ZFHX3: variants seen among roughly 807,000 people sequenced by gnomAD.
The protein encoded by ZFHX3 is zinc finger homeobox 3.
Under a neutral mutation model 279.1 loss-of-function variants are expected in ZFHX3, and 42 were observed. That is an observed-to-expected ratio of 0.15 (90% CI 0.12 to 0.19). The LOEUF (loss-of-function observed/expected upper bound fraction) is 0.19, where lower values mean the gene tolerates loss of function less well. ZFHX3 is among the 10% of genes least tolerant of loss of function. The pLI is 1.00. For missense variants in ZFHX3, 4,981 were observed against 4,754.0 expected, an observed-to-expected ratio of 1.05 and a Z score of -1.40; for synonymous variants, 2,293 against 1,957.8, an observed-to-expected ratio of 1.17 and a Z score of -4.52.
intron 2 of ZFHX3, among the ~76,000 whole-genome samples, chr16:73,655,417 A>C (rs1003938475): frequency 6.6e-6 from 1 of 152,220 alleles, no homozygotes; most frequent in Non-Finnish European, 1.5e-5. Context: ...TTAGAATAGG[A>C]GACTCTACCA....
rs1293606224 is a variant in ZFHX3 at position 73,055,719 on chromosome 16, C to T, written c.-24+2811G>A. Among the ~76,000 whole-genome samples the T allele has an allele frequency of 4.4e-3, 634 of 143,448 alleles. 5 individuals are homozygous for T. Among genetic ancestry groups the T allele is most frequent in the African/African-American group, 0.013 (544 of 40,534 alleles). 94.1% of individuals were successfully genotyped at this position (143,448 alleles called of 152,430 possible). ...GCGCGCACACACACACACACACACACACATACACACACACACACGTCAGGA... is the reference window on the plus strand; with the variant it reads ...GCGCGCACACACACACACACACACATACATACACACACACACACGTCAGGA... On this transcript the variant is annotated intron_variant, in intron 1 of 8. Transcript: ENST00000397992.
intron 3 of ZFHX3, among the ~76,000 whole-genome samples, chr16:73,436,329 A>G (rs2017997397): frequency 6.6e-6 from 1 of 152,194 alleles, no homozygotes; most frequent in Non-Finnish European, 1.5e-5. Flanking sequence ...CTCAACAAAA[A>G]AGAGGTTTAA....
chr16:72,975,778 A>G (rs897946504), intron 1 of ZFHX3, among the ~76,000 whole-genome samples: 8 of 152,132 alleles, frequency 5.3e-5, no homozygotes, highest in Non-Finnish European at 1.0e-4. Context: ...ACCCTCACCA[A>G]CTCAGCAAAA....
At chr16:73,032,038 T>C (rs907818448) in intron 1 of ZFHX3, among the ~76,000 whole-genome samples, 3 of 152,068 alleles carry the variant, frequency 2.0e-5, no homozygotes, top group African/African-American at 7.2e-5. Context: ...AATAAGAAGA[T>C]GTGTTAAAAC....
intron 1 of ZFHX3, among the ~76,000 whole-genome samples, chr16:73,878,942 T>G (rs1003287796): frequency 1.0e-3 from 61 of 58,204 alleles, no homozygotes; most frequent in East Asian, 4.8e-3. Context: ...AAAGATAAGA[T>G]ATATATATAT....
At chr16:73,839,326 C>CAAAAAAGAA (rs1961233006) in intron 1 of ZFHX3, among the ~76,000 whole-genome samples, 5 of 30,052 alleles carry the variant, frequency 1.7e-4, no homozygotes, top group African/African-American at 6.1e-4. Flanking sequence ...GACTCCATCT[C>CAAAAAAGAA]AAAAAAAAAA....
Position 73,003,685 on chromosome 16 carries a change from G to A in ZFHX3, c.-49-43491C>T, listed in dbSNP as rs186233724. On this transcript the variant is annotated intron_variant, in intron 1 of 9. Transcript: ENST00000268489. ...TGCACTACTGCACTCCAGCCTGGAC[G>A]AAACAGCGAGACTCCATCTCAAAAA... 5.7e-3 allele frequency among the ~76,000 whole-genome samples: 874 copies of A among 152,220 alleles called. 4 individuals are homozygous for A. The highest frequency in any genetic ancestry group is 9.0e-3 in the Non-Finnish European group (615 of 68,022).
chr16:73,879,099 TAAC>T (rs1432078737), intron 1 of ZFHX3, among the ~76,000 whole-genome samples: 1 of 151,790 alleles, frequency 6.6e-6, no homozygotes, highest in African/African-American at 2.4e-5. Context: ...AGGACCAAGT[TAAC>T]AACACCCAGA....
At chr16:72,861,137 A>G (rs1316677716) in intron 4 of ZFHX3, among the ~76,000 whole-genome samples, 1 of 152,178 alleles carries the variant, frequency 6.6e-6, no homozygotes, top group African/African-American at 2.4e-5. Context: ...CTGTGTTGAC[A>G]TCACCCTTCT....
chr16:72,895,836 A>G (rs1274653426), intron 3 of ZFHX3, among the ~76,000 whole-genome samples: 1 of 152,166 alleles, frequency 6.6e-6, no homozygotes, highest in Non-Finnish European at 1.5e-5. Flanking sequence ...TAAATAGATT[A>G]GACAGACTAC....
intron 1 of ZFHX3, among the ~76,000 whole-genome samples, chr16:73,851,579 C>T (rs1049916416): frequency 2.0e-5 from 3 of 152,098 alleles, no homozygotes; most frequent in Non-Finnish European, 2.9e-5. Flanking sequence ...AAAATTGCAA[C>T]GTGGTATTTG....
intron 1 of ZFHX3, among the ~76,000 whole-genome samples, chr16:73,853,530 A>C (rs1961642230): frequency 6.6e-6 from 1 of 152,240 alleles, no homozygotes; most frequent in Admixed American, 6.5e-5. Flanking sequence ...CCTTTGCAGC[A>C]ACATGGATGG....
chr16:73,162,507 T>C (rs1429493530), intron 5 of ZFHX3, among the ~76,000 whole-genome samples: 2 of 152,222 alleles, frequency 1.3e-5, no homozygotes, highest in Non-Finnish European at 2.9e-5. Context: ...ACAATAAATG[T>C]AATGTAATGC....
At chr16:72,901,215 C>T (rs1040751204) in intron 3 of ZFHX3, among the ~76,000 whole-genome samples, 4 of 152,144 alleles carry the variant, frequency 2.6e-5, no homozygotes, top group African/African-American at 4.8e-5. Context: ...CTCTGCAGCC[C>T]GCTGAGTGCA....
upstream of ZFHX3, among the ~76,000 whole-genome samples, chr16:73,050,227 A>G (rs975518522): frequency 1.3e-5 from 2 of 152,258 alleles, no homozygotes; most frequent in African/African-American, 2.4e-5. Flanking sequence ...AAGCTATTAA[A>G]GTAACCTGGG....
intron 4 of ZFHX3, among the ~76,000 whole-genome samples, chr16:73,316,622 G>T (rs749462122): frequency 6.6e-6 from 1 of 152,052 alleles, no homozygotes; most frequent in Admixed American, 6.5e-5. Context: ...AAAGGATCTC[G>T]TCTTATACTT....
intron 3 of ZFHX3, among the ~76,000 whole-genome samples, chr16:73,410,484 G>A (rs1593089): frequency 0.039 from 5,947 of 152,222 alleles, 322 homozygotes; most frequent in South Asian, 0.13. Flanking sequence ...TACAAAGAAA[G>A]GCTAAATGCA....
chr16:73,399,823 GGA>G (rs2017210567), intron 3 of ZFHX3, among the ~76,000 whole-genome samples: 4 of 129,508 alleles, frequency 3.1e-5, no homozygotes, highest in East Asian at 2.2e-4. Context: ...TGTGGTGTGT[GGA>G]GTGTGGTGTG....
intron 3 of ZFHX3, among the ~76,000 whole-genome samples, chr16:73,356,619 T>C (rs2016345420): frequency 6.6e-6 from 1 of 152,054 alleles, no homozygotes; most frequent in African/African-American, 2.4e-5. Context: ...GACAATACAA[T>C]GGCAATGCTA....
Sources: allele counts gnomAD v4.1 joint callset (sites outside exome capture counted in the v4.1 genomes callset), GRCh38; gene constraint gnomAD v4.1.1; transcripts MANE v1.5; gene names NCBI Gene and HGNC (gene_info 2026-07-23, HGNC 2026-07-21).